TBC1D8: variants seen among roughly 807,000 people sequenced by gnomAD.
TBC1D8 encodes BUB2-like protein 1.
In TBC1D8, 65 loss-of-function variants were observed where a neutral mutation model predicts 118.8. The observed-to-expected ratio is 0.55, with a 90% CI of 0.45 to 0.67. The LOEUF (loss-of-function observed/expected upper bound fraction) is 0.67. Ranked by LOEUF, TBC1D8 falls within the 30% of genes least tolerant of loss-of-function variation. The probability of loss-of-function intolerance (pLI) is 0.00; values close to 1 mark genes in which losing one functional copy is unlikely to be tolerated. For synonymous variants in TBC1D8, 566 were observed against 595.8 expected (o/e 0.95, Z 0.73); for missense variants, 1,376 against 1,471.2 (o/e 0.94, Z 1.06).
At chr2:101,016,413 G>C (rs1339220533) in intron 17 of TBC1D8, among the ~76,000 whole-genome samples, 1 of 151,974 alleles carries the variant, frequency 6.6e-6, no homozygotes. Context: ...TCATTAAAAA[G>C]TCAGGAAACA....
intron 14 of TBC1D8, among the ~76,000 whole-genome samples, chr2:101,027,698 G>A (rs1297941733): frequency 1.3e-5 from 2 of 152,332 alleles, no homozygotes; most frequent in East Asian, 3.9e-4. Context: ...ATGGAAGCCA[G>A]GAAGCTAGCA....
chr2:101,028,376 T>TCACC lies in TBC1D8; in HGVS notation c.2278_2279insGGTG (p.His760ArgfsTer2). ...CTCCTGGTCGTCGGAGAAAAAGGCA[T>TCACC]GGTGGCTGCCAACTGGGGGCCCTGG... On this transcript the variant is annotated stop_gained and frameshift_variant, in exon 13 of 20. Coordinates refer to ENST00000409318, the MANE Select transcript of TBC1D8 (RefSeq NM_001330348.2). LOFTEE classifies it high-confidence loss of function. The TCACC allele has an allele frequency of 6.2e-7, 1 of 1,611,636 alleles. No individual in the cohort carries two copies.
At chr2:101,125,085 A>G (rs1177744704) in intron 1 of TBC1D8, among the ~76,000 whole-genome samples, 2 of 152,180 alleles carry the variant, frequency 1.3e-5, no homozygotes, top group Non-Finnish European at 2.9e-5. Context: ...GCAGCCTCCC[A>G]TGACAAATGC....
Position 101,007,909 on chromosome 2 carries a change from A to G in TBC1D8, c.3380T>C (p.Leu1127Pro). 6.2e-7 allele frequency: 1 copy of G among 1,614,014 alleles called. No homozygotes were observed. The highest frequency in any genetic ancestry group is 8.5e-7 in the Non-Finnish European group (1 of 1,179,904). The change falls in exon 20 of 20, where the codon CTT (leucine) becomes CCT (proline). Residue 1127 changes from leucine (L) to proline (P), a missense_variant. Coordinates refer to ENST00000409318, the MANE Select transcript of TBC1D8 (RefSeq NM_001330348.2). The stretch of plus-strand genomic sequence containing the variant: ...GTACTGATTGATCTTGGCATTTTCA[A>G]GTTTGGATTTCATGTCCAGTGGCTT... Reference protein sequence around the residue: ...FEKPLDMKSKLENAKINQYNL... With the variant: ...FEKPLDMKSKPENAKINQYNL...
At chr2:101,115,886 G>C (rs1007953377) in intron 1 of TBC1D8, among the ~76,000 whole-genome samples, 1 of 152,102 alleles carries the variant, frequency 6.6e-6, no homozygotes, top group Non-Finnish European at 1.5e-5. Flanking sequence ...GATCTGTTAC[G>C]CACACGCCAG....
rs190431308 is a variant in TBC1D8 at position 101,028,025 on chromosome 2, G to A, written c.2451+23C>T. The A allele has an allele frequency of 1.1e-3, 1,823 of 1,611,076 alleles. 8 individuals carry two copies. The highest frequency in any genetic ancestry group is 2.8e-3 in the Middle Eastern group (17 of 6,058). On this transcript the variant is annotated intron_variant, in intron 14 of 19. Transcript: ENST00000409318. ...TTGGCTCCCCAATACCGTGATCACC[G>A]GGGTGAGGCGTCTGCTACCCACCAC...
chr2:101,023,613 ATTTTTTTTAAGTT>A (rs1680171049), intron 15 of TBC1D8: 1 of 438,876 alleles, frequency 2.3e-6, no homozygotes, highest in African/African-American at 2.1e-5. Flanking sequence ...TACATTAACA[ATTTTTTTTAAGTT>A]TTTTTTTTAA....
chr2:101,075,097 C>T (rs1365027219), intron 2 of TBC1D8, among the ~76,000 whole-genome samples: 6 of 152,084 alleles, frequency 3.9e-5, no homozygotes, highest in African/African-American at 9.7e-5. Context: ...ACAAATGTTA[C>T]AGTTTAGTCA....
rs374382486 is a variant in TBC1D8, at chr2:101,054,178, C to A, written c.561G>T (p.Val187=). ...TGAGGTACAGCCAGCCCTGGCGGGG[C>A]ACCCTGCCCTTCCAACAGCAGCAGG... ...YYSCCCWKGR[V]PRQGWLYLSI... The change falls in exon 4 of 20, where the codon GTG becomes GTT. Residue 187 remains valine (V), a synonymous_variant. Transcript: ENST00000409318. 1 of 1,613,484 alleles carries A rather than the reference C, an allele frequency of 6.2e-7. No homozygotes were observed. Among genetic ancestry groups the A allele is most frequent in the African/African-American group, 1.3e-5 (1 of 74,942 alleles).
At chr2:101,053,638 G>A (rs1227783351) in intron 4 of TBC1D8, among the ~76,000 whole-genome samples, 1 of 152,182 alleles carries the variant, frequency 6.6e-6, no homozygotes, top group Non-Finnish European at 1.5e-5. Flanking sequence ...TGGATAAACA[G>A]GTGAGCAGTG....
intron 2 of TBC1D8, among the ~76,000 whole-genome samples, chr2:101,071,181 T>C (rs1683289765): frequency 6.6e-6 from 1 of 151,872 alleles, no homozygotes; most frequent in East Asian, 1.9e-4. Flanking sequence ...CTACTAAAAA[T>C]ATTTTTAAAA....
chr2:101,059,926 G>A (rs1340349124), intron 2 of TBC1D8, among the ~76,000 whole-genome samples: 1 of 151,964 alleles, frequency 6.6e-6, no homozygotes, highest in Non-Finnish European at 1.5e-5. Context: ...GCGAGAGTGC[G>A]AGACTCCGTC....
intron 1 of TBC1D8, among the ~76,000 whole-genome samples, chr2:101,093,553 CA>C (rs199759017): frequency 6.7e-4 from 100 of 149,848 alleles, no homozygotes; most frequent in Non-Finnish European, 1.2e-3. Context: ...CCATTATTCT[CA>C]AAAAAAAAAT....
At position 101,106,710 on chromosome 2, in the gene TBC1D8, A is replaced by G. The variant is rs1454732840; in HGVS notation, c.128-16346T>C. Reference sequence around the variant, plus strand: ...ACCATCCTTTGAATTTTGAACTTTCACCTTTTCCCAGGCTAGTGGTGCAAG... The same window carrying G: ...ACCATCCTTTGAATTTTGAACTTTCGCCTTTTCCCAGGCTAGTGGTGCAAG... On this transcript the variant is annotated intron_variant, in intron 1 of 19. Coordinates refer to ENST00000409318, the MANE Select transcript of TBC1D8 (RefSeq NM_001330348.2). Among the ~76,000 whole-genome samples the G allele has an allele frequency of 3.3e-5, 5 of 152,278 alleles. No individual in the cohort carries two copies. In the East Asian group the frequency reaches 9.6e-4, roughly 29 times the overall value.
chr2:101,024,742 C>T (rs529482856), intron 15 of TBC1D8, among the ~76,000 whole-genome samples: 1 of 152,076 alleles, frequency 6.6e-6, no homozygotes, highest in Non-Finnish European at 1.5e-5. Flanking sequence ...AAAGCTTTAG[C>T]AGTATTGACT....
chr2:101,080,066 T>G (rs781132372), intron 2 of TBC1D8, among the ~76,000 whole-genome samples: 1 of 152,116 alleles, frequency 6.6e-6, no homozygotes, highest in Non-Finnish European at 1.5e-5. Flanking sequence ...TTAGACTCAG[T>G]ATGTCCCTGC....
At position 101,038,448 on chromosome 2, in the gene TBC1D8, G is replaced by C. The variant is rs372957331; in HGVS notation, c.1275+13C>G. On this transcript the variant is annotated intron_variant, in intron 7 of 19. Coordinates refer to ENST00000409318, the MANE Select transcript of TBC1D8 (RefSeq NM_001330348.2). ...ATGAAGAAGGGGATCATCAGGGTCT[G>C]GAGGGACCATACCATGTCATCATCC... is the stretch of plus-strand genomic sequence containing the variant. 2.2e-5 allele frequency: 35 copies of C among 1,612,018 alleles called. No individual in the cohort carries two copies. Among genetic ancestry groups the C allele is most frequent in the Non-Finnish European group, 3.0e-5 (35 of 1,178,900 alleles).
rs1212728485 is a variant in TBC1D8 at position 101,090,155 on chromosome 2, C to CT, written c.283+53dup. On this transcript the variant is annotated intron_variant, in intron 2 of 19. Coordinates refer to ENST00000409318, the MANE Select transcript of TBC1D8 (RefSeq NM_001330348.2). ...TTCAAGCTTCACCAACATGCAGATA[C>CT]TCAGCATGCTTACACCTTAAGGTTT... 1.3e-4 allele frequency: 200 copies of CT among 1,549,880 alleles called. 1 individual carries two copies. The East Asian group carries it at 4.7e-3, about 37-fold the overall frequency.
intron 1 of TBC1D8, among the ~76,000 whole-genome samples, chr2:101,139,055 G>A: frequency 6.6e-6 from 1 of 152,090 alleles, no homozygotes; most frequent in East Asian, 1.9e-4. Context: ...TTCTTAATAT[G>A]TCACAGGTAG....
Sources: gnomAD v4.1 joint callset for allele counts (sites outside exome capture counted in the v4.1 genomes callset) on GRCh38, gnomAD v4.1.1 for gene constraint, MANE v1.5 for transcripts, NCBI Gene and HGNC (gene_info 2026-07-23, HGNC 2026-07-21) for gene names.